The following ETV6 variants were observed in gnomAD, a reference collection of about 807,000 sequenced individuals.
ETV6 encodes transcription factor ETV6.
ETV6 carries 16 observed loss-of-function variants against 51.1 expected under a neutral mutation model. That is an observed-to-expected ratio of 0.31 (90% confidence interval 0.21 to 0.48). The LOEUF is 0.48. Ranked by LOEUF, ETV6 falls within the 20% of genes least tolerant of loss-of-function variation. The pLI is 0.99. For synonymous variants in ETV6, 240 were observed against 224.1 expected (o/e 1.07, Z -0.64); for missense variants, 458 against 594.8 (o/e 0.77, Z 2.39).
At chr12:11,857,002 T>C (rs1047657238) in intron 4 of ETV6, among the ~76,000 whole-genome samples, 19 of 152,194 alleles carry the variant, frequency 1.2e-4, no homozygotes, top group Non-Finnish European at 8.8e-5. Context: ...TGGATAGGAA[T>C]GACAGAATGG....
chr12:11,777,439 C>T (rs1448078852), intron 2 of ETV6, among the ~76,000 whole-genome samples: 1 of 151,618 alleles, frequency 6.6e-6, no homozygotes, highest in Non-Finnish European at 1.5e-5. Flanking sequence ...TTTCTCTTTA[C>T]TGTGGAGTTT....
intron 1 of ETV6, among the ~76,000 whole-genome samples, chr12:11,684,626 T>C (rs998604597): frequency 1.1e-4 from 17 of 152,370 alleles, no homozygotes; most frequent in African/African-American, 4.1e-4. Flanking sequence ...TCCCCTTCCC[T>C]ATTATTTTGA....
intron 1 of ETV6, among the ~76,000 whole-genome samples, chr12:11,687,040 T>G (rs1864644294): frequency 1.3e-5 from 2 of 151,906 alleles, no homozygotes; most frequent in East Asian, 1.9e-4. Context: ...CGCACACCAC[T>G]GCACCCAGCT....
intron 2 of ETV6, among the ~76,000 whole-genome samples, chr12:11,803,358 CATAAT>C (rs1027580583): frequency 6.6e-6 from 1 of 152,024 alleles, no homozygotes; most frequent in Admixed American, 6.5e-5. Context: ...AAATAGAGAC[CATAAT>C]ATTTTATAAT....
intron 2 of ETV6, chr12:11,752,799 A>G: frequency 2.3e-6 from 1 of 434,448 alleles, no homozygotes; most frequent in East Asian, 3.6e-5. Flanking sequence ...TTCCCTGACT[A>G]TGACATGTTA....
At chr12:11,780,969 T>C (rs1354002248) in intron 2 of ETV6, among the ~76,000 whole-genome samples, 1 of 152,228 alleles carries the variant, frequency 6.6e-6, no homozygotes, top group East Asian at 1.9e-4. Context: ...AGCTTGGGTT[T>C]CCCCCTACTT....
chr12:11,785,627 T>C (rs186708893), intron 2 of ETV6, among the ~76,000 whole-genome samples: 58 of 152,368 alleles, frequency 3.8e-4, no homozygotes, highest in African/African-American at 1.3e-3. Flanking sequence ...TCTACAGTTA[T>C]AATTAGTGAG....
chr12:11,719,551 A>G (rs931110240), intron 1 of ETV6, among the ~76,000 whole-genome samples: 1 of 152,248 alleles, frequency 6.6e-6, no homozygotes, highest in African/African-American at 2.4e-5. Flanking sequence ...GACAAGTAAT[A>G]AAGCAAACCA....
At chr12:11,773,350 T>C (rs1331066791) in intron 2 of ETV6, among the ~76,000 whole-genome samples, 8 of 152,062 alleles carry the variant, frequency 5.3e-5, no homozygotes, top group Non-Finnish European at 1.2e-4. Context: ...AAAATCTTTC[T>C]GCTCAAGTCT....
intron 1 of ETV6, among the ~76,000 whole-genome samples, chr12:11,652,478 A>C (rs1340227809): frequency 6.6e-6 from 1 of 152,216 alleles, no homozygotes; most frequent in African/African-American, 2.4e-5. Context: ...TCCAGTAAAC[A>C]ATATGCTTTT....
At chr12:11,863,768 C>G (rs1946750989) in intron 4 of ETV6, among the ~76,000 whole-genome samples, 1 of 152,206 alleles carries the variant, frequency 6.6e-6, no homozygotes, top group South Asian at 2.1e-4. Flanking sequence ...AGTTTCCATG[C>G]CCTGCTGCCA....
chr12:11,787,120 T>C (rs537676131), intron 2 of ETV6, among the ~76,000 whole-genome samples: 2 of 152,330 alleles, frequency 1.3e-5, no homozygotes, highest in East Asian at 3.9e-4. Context: ...GGAGACAATA[T>C]TGTAAGGTTA....
intron 1 of ETV6, among the ~76,000 whole-genome samples, chr12:11,739,807 C>T (rs1326114747): frequency 6.6e-6 from 1 of 152,166 alleles, no homozygotes; most frequent in African/African-American, 2.4e-5. Flanking sequence ...TGTTAAATTA[C>T]CTATGGGGCT....
chr12:11,881,145 C>T lies in ETV6; in HGVS notation c.1010-3300C>T, dbSNP rs181251613. Among the ~76,000 whole-genome samples the T allele has an allele frequency of 3.1e-3, 479 of 152,214 alleles. 1 individual carries two copies. The highest frequency in any genetic ancestry group is 5.5e-3 in the Non-Finnish European group (372 of 68,006). Reference sequence around the variant, plus strand: ...TAGAGATGAGGTCTCGTTATGTTGCCTGGGCTGGTCTTGAACTCCCGGACT... The same window carrying T: ...TAGAGATGAGGTCTCGTTATGTTGCTTGGGCTGGTCTTGAACTCCCGGACT... On this transcript the variant is annotated intron_variant, in intron 5 of 7. Transcript: ENST00000396373.
At chr12:11,769,421 A>G (rs1033129919) in intron 2 of ETV6, among the ~76,000 whole-genome samples, 17 of 152,094 alleles carry the variant, frequency 1.1e-4, no homozygotes, top group African/African-American at 3.9e-4. Context: ...CACAGATAAC[A>G]TCCAGGAGAA....
chr12:11,862,652 C>T (rs1326036586), intron 4 of ETV6, among the ~76,000 whole-genome samples: 1 of 152,104 alleles, frequency 6.6e-6, no homozygotes, highest in Non-Finnish European at 1.5e-5. Flanking sequence ...TCTGGAAGTC[C>T]AGAGTATACT....
intron 1 of ETV6, among the ~76,000 whole-genome samples, chr12:11,711,178 G>T (rs980363688): frequency 1.3e-5 from 2 of 152,208 alleles, no homozygotes; most frequent in Admixed American, 6.5e-5. Context: ...AGAGAATTGA[G>T]TCTGGCATTA....
chr12:11,846,279 C>G (rs1022451651), intron 3 of ETV6, among the ~76,000 whole-genome samples: 1 of 150,562 alleles, frequency 6.6e-6, no homozygotes, highest in Non-Finnish European at 1.5e-5. Context: ...GAATAAAAAT[C>G]AAAGAGAAGA....
chr12:11,891,016 T>G lies in ETV6; in HGVS notation c.1329T>G (p.Asp443Glu). The G allele has an allele frequency of 1.2e-6, 2 of 1,613,652 alleles. No homozygotes were observed. The highest frequency in any genetic ancestry group is 1.7e-6 in the Non-Finnish European group (2 of 1,179,700). The change falls in exon 8 of 8, where the codon GAT (aspartate) becomes GAG (glutamate). Residue 443 changes from aspartate to glutamate, a missense_variant. By Grantham distance (45) the Asp-to-Glu change is conservative (BLOSUM62 2). Transcript: ENST00000396373. Reference protein sequence around the residue: ...RLEHLESQELDEQIYQEDEC With the variant: ...RLEHLESQELEEQIYQEDEC ...AGCACCTAGAGTCCCAGGAGCTGGA[T>G]GAACAAATATACCAAGAAGATGAAT...
Sources: gnomAD v4.1 joint callset for allele counts (sites outside exome capture counted in the v4.1 genomes callset) on GRCh38, gnomAD v4.1.1 for gene constraint, MANE v1.5 for transcripts, NCBI Gene and HGNC (gene_info 2026-07-23, HGNC 2026-07-21) for gene names.